The following VEGFD variants were observed in gnomAD, a reference collection of about 807,000 sequenced individuals.
The protein encoded by VEGFD is vascular endothelial growth factor D.
A neutral mutation model predicts 28.0 loss-of-function variants in VEGFD; 26 were observed. The observed-to-expected ratio is 0.93, with a 90% CI of 0.68 to 1.29. The LOEUF (loss-of-function observed/expected upper bound fraction) is 1.29. VEGFD is among the 50% of genes most tolerant of loss of function. The pLI is 0.00. For missense variants in VEGFD, 294 were observed against 273.4 expected, an observed-to-expected ratio of 1.08 and a Z score of -0.53; for synonymous variants, 93 against 95.5, an observed-to-expected ratio of 0.97 and a Z score of 0.15.
chrX:15,375,743 G>C (rs114557243), intron 1 of VEGFD, among the ~76,000 whole-genome samples: 1,173 of 111,882 alleles, frequency 0.01, 13 homozygotes, highest in African/African-American at 0.036. Context: ...TTGTGTGAGT[G>C]TGTGTGCATG....
At chrX:15,375,548 C>T (rs1020671404) in intron 1 of VEGFD, among the ~76,000 whole-genome samples, 2 of 111,889 alleles carry the variant, frequency 1.8e-5, no homozygotes, top group Admixed American at 9.5e-5. Flanking sequence ...GGGGTGGGCT[C>T]ATCTTTCATT....
chrX:15,368,168 AAAG>A (rs778321717), intron 1 of VEGFD, among the ~76,000 whole-genome samples: 1 of 110,441 alleles, frequency 9.1e-6, no homozygotes, highest in South Asian at 3.8e-4. Context: ...GAAAGAAAGA[AAAG>A]AAAGGAGAGA....
intron 5 of VEGFD, among the ~76,000 whole-genome samples, chrX:15,350,765 T>TTTTC (rs1158073425): frequency 1.4e-4 from 14 of 98,975 alleles, no homozygotes; most frequent in African/African-American, 3.1e-4. Flanking sequence ...TTTTTCTTTC[T>TTTTC]TTTCTTTCTT....
intron 1 of VEGFD, among the ~76,000 whole-genome samples, chrX:15,379,442 T>C (rs1923514320): frequency 3.6e-5 from 4 of 112,136 alleles, no homozygotes; most frequent in Admixed American, 2.8e-4. Flanking sequence ...AAGGCTTTCA[T>C]GATGCAGTAG....
intron 1 of VEGFD, among the ~76,000 whole-genome samples, chrX:15,366,611 A>C (rs1395463512): frequency 8.9e-6 from 1 of 111,933 alleles, no homozygotes; most frequent in Non-Finnish European, 1.9e-5. Context: ...AATCTTGTTG[A>C]GTATTTATGA....
chrX:15,351,821 G>C (rs1054953141), intron 5 of VEGFD, among the ~76,000 whole-genome samples: 1 of 112,512 alleles, frequency 8.9e-6, no homozygotes, highest in Non-Finnish European at 1.9e-5. Context: ...GGATAGATTG[G>C]ATTAAATAAA....
Position 15,352,312 on chromosome X carries a change from T to C in VEGFD, c.742+756A>G, listed in dbSNP as rs576812703. On this transcript the variant is annotated intron_variant, in intron 5 of 6. Coordinates refer to ENST00000297904, the MANE Select transcript of VEGFD (RefSeq NM_004469.5). Reference sequence around the variant, plus strand: ...ACTGCATGACTACTTGTGACTTTTTTTTTCTTTCTTTTTTTTTTTTGGTGG... The same window carrying C: ...ACTGCATGACTACTTGTGACTTTTTCTTTCTTTCTTTTTTTTTTTTGGTGG... Among the ~76,000 whole-genome samples, 39 of 102,264 alleles carry C rather than the reference T, an allele frequency of 3.8e-4. No individual in the cohort carries two copies. The South Asian group carries it at 0.018, about 46-fold the overall frequency. The allele number at this position is 102,264 out of a possible 115,157, so 88.8% of individuals were successfully genotyped here. A position where few individuals can be genotyped will look rare whatever the true frequency, so the allele number is the denominator to read the frequency against.
At chrX:15,351,341 A>G (rs1375913206) in intron 5 of VEGFD, among the ~76,000 whole-genome samples, 7 of 105,384 alleles carry the variant, frequency 6.6e-5, no homozygotes, top group African/African-American at 2.4e-4. Context: ...GGATGGTCTC[A>G]ATCTCCTGAC....
intron 2 of VEGFD, among the ~76,000 whole-genome samples, chrX:15,362,778 A>G (rs1193328246): frequency 9.0e-6 from 1 of 111,360 alleles, no homozygotes; most frequent in Non-Finnish European, 1.9e-5. Context: ...ATGAATCCCC[A>G]GGTTTTATTT....
At chrX:15,360,194 T>C (rs1922974551) in intron 2 of VEGFD, among the ~76,000 whole-genome samples, 1 of 111,424 alleles carries the variant, frequency 9.0e-6, no homozygotes, top group Non-Finnish European at 1.9e-5. Context: ...TTTCATCCCT[T>C]AATACCAATT....
chrX:15,361,146 G>A (rs1290066580), intron 2 of VEGFD, among the ~76,000 whole-genome samples: 3 of 112,023 alleles, frequency 2.7e-5, no homozygotes, highest in Non-Finnish European at 3.8e-5. Context: ...TGCAAATTCC[G>A]TGATATTTTA....
chrX:15,373,156 T>C (rs990037032), intron 1 of VEGFD, among the ~76,000 whole-genome samples: 1 of 111,769 alleles, frequency 8.9e-6, no homozygotes, highest in Non-Finnish European at 1.9e-5. Flanking sequence ...CACTGAAAGG[T>C]ATTTGAAAGA....
At chrX:15,381,807 GA>G (rs902147745) in intron 1 of VEGFD, among the ~76,000 whole-genome samples, 5 of 85,584 alleles carry the variant, frequency 5.8e-5, no homozygotes, top group Non-Finnish European at 9.0e-5. Flanking sequence ...TTAATTGAGC[GA>G]GGGGTAGGGT....
intron 5 of VEGFD, among the ~76,000 whole-genome samples, chrX:15,350,855 C>CTTTCTCTG: frequency 1.2e-5 from 1 of 85,808 alleles, no homozygotes; most frequent in Non-Finnish European, 2.3e-5. Context: ...CTCTTTCTCT[C>CTTTCTCTG]TTTCTTTCTT....
chrX:15,376,170 G>A (rs1464600735), intron 1 of VEGFD, among the ~76,000 whole-genome samples: 2 of 111,775 alleles, frequency 1.8e-5, no homozygotes, highest in Admixed American at 9.5e-5. Context: ...ACTCTCTGAG[G>A]GAGGGATATA....
intron 1 of VEGFD, among the ~76,000 whole-genome samples, chrX:15,372,424 C>T (rs1251497865): frequency 9.2e-6 from 1 of 108,132 alleles, no homozygotes; most frequent in East Asian, 2.8e-4. Context: ...ACATTTTGTG[C>T]CATTAAAGCT....
chrX:15,360,203 T>C lies in VEGFD; in HGVS notation c.302-2010A>G, dbSNP rs774808974. Reference sequence around the variant, plus strand: ...CTCCTTTTTCATCCCTTAATACCAATTTTTTTCATATGTTGCTTCTTCAAT... The same window carrying C: ...CTCCTTTTTCATCCCTTAATACCAACTTTTTTCATATGTTGCTTCTTCAAT... On this transcript the variant is annotated intron_variant, in intron 2 of 6. Coordinates refer to ENST00000297904, the MANE Select transcript of VEGFD (RefSeq NM_004469.5). 1.3e-4 allele frequency among the ~76,000 whole-genome samples: 15 copies of C among 111,580 alleles called. No homozygotes were observed. In the East Asian group the frequency reaches 3.6e-3, roughly 27 times the overall value.
At chrX:15,369,831 T>C (rs1439214684) in intron 1 of VEGFD, among the ~76,000 whole-genome samples, 1 of 111,896 alleles carries the variant, frequency 8.9e-6, no homozygotes, top group Non-Finnish European at 1.9e-5. Flanking sequence ...TATAGTTGTA[T>C]AAAATTTTTA....
intron 4 of VEGFD, 25 bp downstream of exon 4, chrX:15,355,125 T>C (rs1190764151): frequency 1.7e-6 from 1 of 584,911 alleles, no homozygotes; most frequent in African/African-American, 2.6e-5. Flanking sequence ...TAATCCAGTA[T>C]AAAAAAAAAA....
Sources: gnomAD v4.1 joint callset for allele counts (sites outside exome capture counted in the v4.1 genomes callset) on GRCh38, gnomAD v4.1.1 for gene constraint, MANE v1.5 for transcripts, NCBI Gene and HGNC (gene_info 2026-07-23, HGNC 2026-07-21) for gene names.